The following REXO1 variants were observed in gnomAD, a reference collection of about 807,000 sequenced individuals.
REXO1 encodes the protein REX1, RNA exonuclease 1 homolog.
A neutral mutation model predicts 102.6 loss-of-function variants in REXO1; 42 were observed. The observed-to-expected ratio is 0.41, with a 90% CI of 0.32 to 0.53. The LOEUF is 0.53. REXO1 is among the 20% of genes least tolerant of loss of function. The pLI, the probability that REXO1 is intolerant of heterozygous loss-of-function variation, is 0.27. For missense variants in REXO1, 1,819 were observed against 1,732.5 expected (o/e 1.05, Z -0.89); for synonymous variants, 908 against 779.1 (o/e 1.17, Z -2.76).
At position 1,823,723 on chromosome 19, in the gene REXO1, C is replaced by T. The variant is rs762628802; in HGVS notation, c.2079G>A (p.Val693=). The change falls in exon 4 of 16, where the codon GTG becomes GTA. Residue 693 remains valine (V), a synonymous_variant. Coordinates refer to ENST00000170168, the MANE Select transcript of REXO1 (RefSeq NM_020695.4). The part of the protein sequence containing the change: ...PPARPPTAQE[V]CYLRAQQAQR... ...GCGCCTGCTGGGCCCGCAGGTAGCA[C>T]ACCTCCTGCGCCGTCGGGGGCCGGG... 3.9e-6 allele frequency: 5 copies of T among 1,271,568 alleles called. No individual in the cohort carries two copies. Among genetic ancestry groups the T allele is most frequent in the Non-Finnish European group, 5.0e-6 (5 of 1,001,448 alleles). The allele number at this position is 1,271,568 out of a possible 1,614,324, so 78.8% of individuals were successfully genotyped here.
chr19:1,818,667 G>A (rs202179385), intron 9 of REXO1, 39 bp downstream of exon 9: 41 of 1,608,846 alleles, frequency 2.5e-5, no homozygotes, highest in East Asian at 4.5e-5. Context: ...CCCACATCCC[G>A]CACCTGCCCA....
intron 1 of REXO1, among the ~76,000 whole-genome samples, chr19:1,841,459 G>A (rs756936326): frequency 2.0e-4 from 30 of 152,316 alleles, no homozygotes; most frequent in Non-Finnish European, 2.4e-4. Context: ...GACGCTTCCC[G>A]TCACACTCAG....
At position 1,827,085 on chromosome 19, in the gene REXO1, CT is replaced by C. The variant is rs1385106369; in HGVS notation, c.1703del (p.Lys568SerfsTer85). The C allele has an allele frequency of 6.5e-7, 1 of 1,541,348 alleles. No homozygotes were observed. Among genetic ancestry groups the C allele is most frequent in the Admixed American group, 2.0e-5 (1 of 50,798 alleles). ...LGFPEAQGPP[K>X]RLKASPPPSP... The stretch of plus-strand genomic sequence containing the variant: ...AGGGGGGCGGGGAGGCCTTGAGCCG[CT>C]TGGGCGGCCCCTGCGCCTCCGGGAA... On this transcript the variant is annotated frameshift_variant, in exon 2 of 16. Transcript: ENST00000170168. LOFTEE classifies it high-confidence loss of function.
Position 1,815,394 on chromosome 19 carries a change from TAAC to T in REXO1, c.*669_*671del, listed in dbSNP as rs2069331371. 1.2e-5 allele frequency: 2 copies of T among 164,074 alleles called. No homozygotes were observed. 10.2% of individuals were successfully genotyped at this position (164,074 alleles called of 1,614,324 possible). A position where few individuals can be genotyped will look rare whatever the true frequency, so the allele number is the denominator to read the frequency against. Reference sequence around the variant, plus strand: ...CCCTCTAGACGGCAGACCCTGGGGCTAACGAGGGGCCAGCTGGGTTCTCAGAGG... The same window carrying T: ...CCCTCTAGACGGCAGACCCTGGGGCTGAGGGGCCAGCTGGGTTCTCAGAGG... On this transcript the variant is annotated 3_prime_UTR_variant, in exon 16 of 16. Coordinates refer to ENST00000170168, the MANE Select transcript of REXO1 (RefSeq NM_020695.4). The surrounding 1 kb of genome is among the most constrained non-coding windows in gnomAD (Gnocchi z 4.0).
chr19:1,821,796 A>G (rs765320945), intron 4 of REXO1, 114 bp from the exon 5 acceptor site: 1 of 955,056 alleles, frequency 1.0e-6, no homozygotes, highest in Admixed American at 2.7e-5. Flanking sequence ...CTCCGCGTGC[A>G]GGGGGCCGGG....
rs374246136 is a variant in REXO1, at chr19:1,825,897, G to A, written c.1958C>T (p.Thr653Ile). The A allele has an allele frequency of 1.7e-5, 27 of 1,613,118 alleles. No homozygotes were observed. Among genetic ancestry groups the A allele is most frequent in the Non-Finnish European group, 2.3e-5 (27 of 1,179,852 alleles). The change falls in exon 3 of 16, where the codon ACC (threonine) becomes ATC (isoleucine). Residue 653 changes from threonine (T) to isoleucine (I), a missense_variant. By Grantham distance (89) the Thr-to-Ile change is moderately conservative. Coordinates refer to ENST00000170168, the MANE Select transcript of REXO1 (RefSeq NM_020695.4). ...CCTCTTCTGCCCGGGGAACAGAGTG[G>A]TCAGACCCGAAAGCCCCTTCTCCTC... Reference protein sequence around the residue: ...KSEEKGLSGLTTLFPGQKRRI... With the variant: ...KSEEKGLSGLITLFPGQKRRI...
intron 1 of REXO1, among the ~76,000 whole-genome samples, chr19:1,830,116 A>G (rs2069863512): frequency 6.6e-6 from 1 of 152,248 alleles, no homozygotes; most frequent in Non-Finnish European, 1.5e-5. Context: ...GAAGGAGTCT[A>G]AAGAAAACAT....
Position 1,826,899 on chromosome 19 carries a change from G to A in REXO1, c.1890C>T (p.Asp630=). 6.3e-7 allele frequency: 1 copy of A among 1,582,924 alleles called. No individual in the cohort carries two copies. Among genetic ancestry groups the A allele is most frequent in the Non-Finnish European group, 8.6e-7 (1 of 1,165,408 alleles). The change falls in exon 2 of 16, where the codon GAC becomes GAT. Residue 630 remains aspartate (D), a synonymous_variant. Coordinates refer to ENST00000170168, the MANE Select transcript of REXO1 (RefSeq NM_020695.4). This position sits in a 1 kb window ranked among gnomAD's most constrained non-coding sequence, Gnocchi z 4.3. ...TCACCTGCCGGGCCAGCCGGCCTCT[G>A]TCCTCCGTCTTGACGCTGGTGGACT... ...FNESTSVKTE[D]RGRLARQPPK...
chr19:1,845,705 G>T (rs1404669222), intron 1 of REXO1, among the ~76,000 whole-genome samples: 1 of 152,184 alleles, frequency 6.6e-6, no homozygotes, highest in Non-Finnish European at 1.5e-5. Context: ...CAGGTCCAGG[G>T]ATAAGAGCCC....
rs748055547 is a variant in REXO1 at position 1,826,856 on chromosome 19, C to A, written c.1911+22G>T. 6 of 1,559,734 alleles carry A rather than the reference C, an allele frequency of 3.8e-6. No individual in the cohort carries two copies. Among genetic ancestry groups the A allele is most frequent in the Non-Finnish European group, 5.2e-6 (6 of 1,153,422 alleles). ...CGGCTCTGCCTCTGCCCGAGCCCAG[C>A]CCCAGCACCCGCGCGCCTCACCTGC... On this transcript the variant is annotated intron_variant, in intron 2 of 15. Transcript: ENST00000170168. The surrounding 1 kb of genome is among the most constrained non-coding windows in gnomAD (Gnocchi z 4.3).
At position 1,815,501 on chromosome 19, in the gene REXO1, C is replaced by T. The variant is rs1438706874; in HGVS notation, c.*565G>A. The T allele has an allele frequency of 1.4e-5, 3 of 214,764 alleles. No individual in the cohort carries two copies. The highest frequency in any genetic ancestry group is 2.5e-5 in the Non-Finnish European group (3 of 117,808). The allele number at this position is 214,764 out of a possible 1,614,324, so 13.3% of individuals were successfully genotyped here. On this transcript the variant is annotated 3_prime_UTR_variant, in exon 16 of 16. Transcript: ENST00000170168. This position sits in a 1 kb window ranked among gnomAD's most constrained non-coding sequence, Gnocchi z 4.0. Reference sequence around the variant, plus strand: ...CCGGCCAGCCCCTGGAGCACAGAGGCGGGTCCAGCCCACACTGCGCTGAGT... The same window carrying T: ...CCGGCCAGCCCCTGGAGCACAGAGGTGGGTCCAGCCCACACTGCGCTGAGT...
At chr19:1,825,971 A>G in intron 2 of REXO1, 28 bp from the exon 3 acceptor site, 2 of 1,541,856 alleles carry the variant, frequency 1.3e-6, no homozygotes, top group Non-Finnish European at 1.8e-6. Flanking sequence ...CCGTCAGCAC[A>G]GGTCTGCCCT....
chr19:1,843,509 A>AGTGTCCCTAGCACCAACCGTCCCTCC (rs2011394208), intron 1 of REXO1, among the ~76,000 whole-genome samples: 1 of 152,178 alleles, frequency 6.6e-6, no homozygotes, highest in Admixed American at 6.5e-5. Context: ...TCTGGCCCCC[A>AGTGTCCCTAGCACCAACCGTCCCTCC]GTGTCCCTAG....
intron 1 of REXO1, among the ~76,000 whole-genome samples, chr19:1,833,001 G>A (rs552545485): frequency 1.1e-4 from 17 of 151,768 alleles, no homozygotes; most frequent in Admixed American, 7.9e-4. Flanking sequence ...AGGCCAAGAT[G>A]AGCAGACTGC....
chr19:1,821,855 T>C, intron 4 of REXO1, 173 bp from the exon 5 acceptor site: 1 of 626,028 alleles, frequency 1.6e-6, no homozygotes, highest in Non-Finnish European at 2.7e-6. Context: ...TCTAGCTGCC[T>C]TCAGGCAAGT....
At position 1,848,384 on chromosome 19, in the gene REXO1, C is replaced by A; in HGVS notation, c.-26G>T. On this transcript the variant is annotated 5_prime_UTR_variant, in exon 1 of 16. Transcript: ENST00000170168. ...GGTCCGTCCCGCGGCGGGGCCCCGGCCCGGAGCCGCCCGGGCCCCAGGGCC... is the reference window on the plus strand; with the variant it reads ...GGTCCGTCCCGCGGCGGGGCCCCGGACCGGAGCCGCCCGGGCCCCAGGGCC... 8.4e-7 allele frequency: 1 copy of A among 1,191,058 alleles called. No individual in the cohort carries two copies. Among genetic ancestry groups the A allele is most frequent in the East Asian group, 3.7e-5 (1 of 27,316 alleles). 73.8% of individuals were successfully genotyped at this position (1,191,058 alleles called of 1,614,324 possible). A position where few individuals can be genotyped will look rare whatever the true frequency, so the allele number is the denominator to read the frequency against.
intron 1 of REXO1, among the ~76,000 whole-genome samples, 195 bp downstream of exon 1, chr19:1,848,007 C>G (rs2011630192): frequency 6.6e-6 from 1 of 152,240 alleles, no homozygotes; most frequent in Non-Finnish European, 1.5e-5. Context: ...CTCGTGAAGA[C>G]GAAGGCTTAG....
chr19:1,836,329 T>G (rs2070035656), intron 1 of REXO1, among the ~76,000 whole-genome samples: 1 of 152,102 alleles, frequency 6.6e-6, no homozygotes, highest in South Asian at 2.1e-4. Context: ...ACTCCTGTCT[T>G]CTCTCAGTCA....
chr19:1,816,182 G>C, intron 15 of REXO1, 28 bp from the exon 16 acceptor site: 1 of 1,559,752 alleles, frequency 6.4e-7, no homozygotes, highest in South Asian at 1.2e-5. Context: ...TGAGCACCCG[G>C]CCCCTGCGCA....
Sources: allele counts gnomAD v4.1 joint callset (sites outside exome capture counted in the v4.1 genomes callset), GRCh38; gene constraint gnomAD v4.1.1; non-coding constraint Gnocchi (gnomAD v3.1); transcripts MANE v1.5; gene names NCBI Gene and HGNC (gene_info 2026-07-23, HGNC 2026-07-21).